Variants in PPP1R12A observed in about 807,000 individuals in gnomAD.
PPP1R12A encodes protein phosphatase 1 regulatory subunit 12A, also known as myosin binding subunit.
Under a neutral mutation model 139.6 loss-of-function variants are expected in PPP1R12A, and 19 were observed. That is an observed-to-expected ratio of 0.14 (90% CI 0.09 to 0.20). The LOEUF is 0.20. PPP1R12A is among the 10% of genes least tolerant of loss of function. The probability of loss-of-function intolerance (pLI) is 1.00; values close to 1 mark genes in which losing one functional copy is unlikely to be tolerated. For synonymous variants in PPP1R12A, 427 were observed against 420.6 expected (o/e 1.02, Z -0.19); for missense variants, 925 against 1,211.5 (o/e 0.76, Z 3.51).
intron 9 of PPP1R12A, among the ~76,000 whole-genome samples, chr12:79,815,146 G>C (rs934689897): frequency 6.6e-6 from 1 of 152,114 alleles, no homozygotes; most frequent in Admixed American, 6.6e-5. Context: ...ATAAATGTTG[G>C]CTATATGTGA....
chr12:79,915,221 GA>G (rs1886899442), intron 1 of PPP1R12A, among the ~76,000 whole-genome samples: 1 of 152,096 alleles, frequency 6.6e-6, no homozygotes, highest in Non-Finnish European at 1.5e-5. Context: ...ACTATACTGT[GA>G]AGTACGTGTG....
rs1592747671 is a variant in PPP1R12A, at chr12:79,872,275, T to C, written c.368+533A>G. Among the ~76,000 whole-genome samples, 4 of 152,266 alleles carry C rather than the reference T, an allele frequency of 2.6e-5. 1 individual carries two copies. The highest frequency in any genetic ancestry group is 2.6e-4 in the Admixed American group (4 of 15,292). ...ATCTATACTTCCACTGTTAAATGCT[T>C]TAAAAAATCAGATGTTCTTAGTGTG... On this transcript the variant is annotated intron_variant, in intron 2 of 24. Coordinates refer to ENST00000450142, the MANE Select transcript of PPP1R12A (RefSeq NM_002480.3).
intron 22 of PPP1R12A, among the ~76,000 whole-genome samples, chr12:79,784,788 C>G (rs550826623): frequency 1.3e-5 from 2 of 152,198 alleles, no homozygotes; most frequent in Non-Finnish European, 2.9e-5. Flanking sequence ...AGGCGCCCAC[C>G]ACCACACCCA....
intron 1 of PPP1R12A, among the ~76,000 whole-genome samples, chr12:79,889,060 A>T (rs867624214): frequency 1.3e-5 from 2 of 152,224 alleles, no homozygotes; most frequent in African/African-American, 4.8e-5. Context: ...ATGTCCATCA[A>T]TAAAGAACTA....
chr12:79,874,014 G>T (rs1201653058), intron 1 of PPP1R12A, among the ~76,000 whole-genome samples: 1 of 152,110 alleles, frequency 6.6e-6, no homozygotes, highest in East Asian at 1.9e-4. Context: ...GGTGGCTCAC[G>T]CCTGTAATCC....
Position 79,898,591 on chromosome 12 carries a change from T to G in PPP1R12A, c.238-25653A>C, listed in dbSNP as rs112935485. Reference sequence around the variant, plus strand: ...CACACTCCTCATCTTCCTTCCCCTTTGCTGCAAACGAAGAAATAGTCTACC... The same window carrying G: ...CACACTCCTCATCTTCCTTCCCCTTGGCTGCAAACGAAGAAATAGTCTACC... On this transcript the variant is annotated intron_variant, in intron 1 of 24. Transcript: ENST00000450142. Among the ~76,000 whole-genome samples the G allele has an allele frequency of 9.1e-3, 1,388 of 152,356 alleles. 20 individuals carry two copies. Among genetic ancestry groups the G allele is most frequent in the African/African-American group, 0.031 (1,282 of 41,576 alleles).
chr12:79,920,045 T>C (rs938059612), intron 1 of PPP1R12A, among the ~76,000 whole-genome samples: 1 of 152,252 alleles, frequency 6.6e-6, no homozygotes, highest in Non-Finnish European at 1.5e-5. Context: ...CACCTCTAGT[T>C]TCTGGCAACC....
intron 23 of PPP1R12A, 124 bp downstream of exon 23, chr12:79,781,691 C>T (rs1870465666): frequency 1.9e-6 from 1 of 514,126 alleles, no homozygotes; most frequent in African/African-American, 1.9e-5. Context: ...AATACATTAA[C>T]TCAATAAATA....
At chr12:79,899,444 T>C (rs1885436998) in intron 1 of PPP1R12A, among the ~76,000 whole-genome samples, 2 of 151,936 alleles carry the variant, frequency 1.3e-5, no homozygotes, top group Non-Finnish European at 2.9e-5. Flanking sequence ...CCACAATAAA[T>C]GAGTGGCCAT....
intron 1 of PPP1R12A, among the ~76,000 whole-genome samples, chr12:79,919,431 TG>T (rs1428818605): frequency 6.6e-6 from 1 of 151,830 alleles, no homozygotes; most frequent in Admixed American, 6.6e-5. Context: ...GGTGCATGCC[TG>T]TAATCTCAGC....
intron 21 of PPP1R12A, 196 bp downstream of exon 21, chr12:79,788,452 A>G: frequency 1.9e-6 from 1 of 516,676 alleles, no homozygotes; most frequent in East Asian, 3.3e-5. Context: ...TAAATGTAAA[A>G]TCATCTTGGA....
intron 2 of PPP1R12A, among the ~76,000 whole-genome samples, chr12:79,852,628 G>A (rs767199970): frequency 1.1e-4 from 16 of 151,964 alleles, no homozygotes; most frequent in African/African-American, 2.4e-4. Context: ...ATTTCATTTC[G>A]GCAAGTTGGG....
Position 79,929,161 on chromosome 12 carries a change from G to A in PPP1R12A, c.237+5534C>T, listed in dbSNP as rs150100320. 1.6e-3 allele frequency among the ~76,000 whole-genome samples: 236 copies of A among 152,244 alleles called. 1 individual carries two copies. Among genetic ancestry groups the A allele is most frequent in the Non-Finnish European group, 2.2e-3 (151 of 68,008 alleles). ...AGCACACAACCTAGATACCTCAGAA[G>A]CGCAGTTCACAATAGGGTCCGCACT... On this transcript the variant is annotated intron_variant, in intron 1 of 24. Coordinates refer to ENST00000450142, the MANE Select transcript of PPP1R12A (RefSeq NM_002480.3).
intron 1 of PPP1R12A, among the ~76,000 whole-genome samples, chr12:79,923,597 G>A (rs1887612104): frequency 6.6e-6 from 1 of 152,150 alleles, no homozygotes; most frequent in Admixed American, 6.5e-5. Flanking sequence ...ATGGAGCAAA[G>A]TCCAGTCCCG....
intron 4 of PPP1R12A, among the ~76,000 whole-genome samples, chr12:79,829,560 A>G (rs1299597729): frequency 2.0e-5 from 3 of 152,070 alleles, no homozygotes; most frequent in Non-Finnish European, 4.4e-5. Context: ...TATATTCTTA[A>G]TAAGTCCCCC....
intron 1 of PPP1R12A, among the ~76,000 whole-genome samples, chr12:79,905,907 A>G (rs1008141348): frequency 1.2e-4 from 19 of 152,316 alleles, no homozygotes; most frequent in African/African-American, 4.6e-4. Flanking sequence ...ACAGACTCAC[A>G]TTCTTAGTGG....
At chr12:79,875,987 A>C (rs1207809434) in intron 1 of PPP1R12A, among the ~76,000 whole-genome samples, 1 of 152,232 alleles carries the variant, frequency 6.6e-6, no homozygotes, top group Non-Finnish European at 1.5e-5. Context: ...AGAAAACAAA[A>C]GAGCTTCTTA....
At chr12:79,873,283 A>G (rs567116502) in intron 1 of PPP1R12A, among the ~76,000 whole-genome samples, 1 of 152,144 alleles carries the variant, frequency 6.6e-6, no homozygotes, top group Admixed American at 6.6e-5. Flanking sequence ...GGGAAGGGGG[A>G]GTAGATTCCT....
intron 2 of PPP1R12A, among the ~76,000 whole-genome samples, chr12:79,871,490 A>G (rs1459676870): frequency 6.6e-6 from 1 of 152,192 alleles, no homozygotes; most frequent in East Asian, 1.9e-4. Flanking sequence ...GCCAGGTCCT[A>G]CGTTTGATGA....
Sources: allele counts gnomAD v4.1 joint callset (sites outside exome capture counted in the v4.1 genomes callset), GRCh38; gene constraint gnomAD v4.1.1; transcripts MANE v1.5; gene names NCBI Gene and HGNC (gene_info 2026-07-23, HGNC 2026-07-21).